The following TANGO6 variants were observed in gnomAD, a reference collection of about 807,000 sequenced individuals.
TANGO6 encodes transport and golgi organization 6 homolog.
In TANGO6, 90 loss-of-function variants were observed where a neutral mutation model predicts 114.2. That is an observed-to-expected ratio of 0.79 (90% CI 0.66 to 0.94). TANGO6 has a LOEUF of 0.94. Among genes scored for constraint, TANGO6 ranks in the 40% least tolerant of loss-of-function variants. The pLI, the probability that TANGO6 is intolerant of heterozygous loss-of-function variation, is 0.00. For synonymous variants in TANGO6, 477 were observed against 509.8 expected, an observed-to-expected ratio of 0.94 and a Z score of 0.87; for missense variants, 1,274 against 1,315.3, an observed-to-expected ratio of 0.97 and a Z score of 0.49.
intron 14 of TANGO6, among the ~76,000 whole-genome samples, chr16:68,971,581 TC>T: frequency 6.6e-6 from 1 of 151,326 alleles, no homozygotes; most frequent in African/African-American, 2.4e-5. Flanking sequence ...AGCCCCCTCT[TC>T]TTTCTCTTAG....
intron 14 of TANGO6, among the ~76,000 whole-genome samples, chr16:68,942,425 T>C (rs1347420490): frequency 6.6e-6 from 1 of 152,054 alleles, no homozygotes; most frequent in Non-Finnish European, 1.5e-5. Flanking sequence ...ATTATCATGG[T>C]AAAATGTAAA....
At chr16:68,906,403 A>G (rs1567536667) in intron 9 of TANGO6, among the ~76,000 whole-genome samples, 1 of 152,164 alleles carries the variant, frequency 6.6e-6, no homozygotes, top group Non-Finnish European at 1.5e-5. Flanking sequence ...GGCTCATCAG[A>G]AAAAAGTCAA....
At chr16:68,954,519 A>G (rs1486042959) in intron 14 of TANGO6, among the ~76,000 whole-genome samples, 1 of 152,198 alleles carries the variant, frequency 6.6e-6, no homozygotes, top group Admixed American at 6.5e-5. Context: ...TCAAAAGAAA[A>G]AAAAAGTTTT....
At chr16:68,846,499 TTTC>T in intron 1 of TANGO6, 3 of 354,622 alleles carry the variant, frequency 8.5e-6, no homozygotes, top group Non-Finnish European at 1.6e-5. Flanking sequence ...TATACGATTC[TTTC>T]TTTTTTTTTT....
At chr16:69,021,070 T>C (rs550948954) in intron 15 of TANGO6, among the ~76,000 whole-genome samples, 3 of 152,244 alleles carry the variant, frequency 2.0e-5, no homozygotes, top group Admixed American at 6.5e-5. Flanking sequence ...AACAATGTGT[T>C]CTCAGCACTG....
intron 15 of TANGO6, among the ~76,000 whole-genome samples, chr16:68,989,542 A>G (rs902057342): frequency 6.6e-6 from 1 of 152,110 alleles, no homozygotes; most frequent in African/African-American, 2.4e-5. Context: ...TTCATTAAGC[A>G]TAGTTATAAT....
intron 6 of TANGO6, 35 bp downstream of exon 6, chr16:68,878,315 T>C: frequency 1.3e-6 from 2 of 1,564,248 alleles, no homozygotes; most frequent in South Asian, 2.4e-5. Flanking sequence ...TGTGTGCCTC[T>C]AAAGGACCTT....
In TANGO6 at chr16:68,860,003, C is replaced by G. The variant is rs762999446; in HGVS notation, c.214C>G (p.Leu72Val). 2 of 1,613,996 alleles carry G rather than the reference C, an allele frequency of 1.2e-6. No individual in the cohort carries two copies. The highest frequency in any genetic ancestry group is 1.7e-6 in the Non-Finnish European group (2 of 1,179,876). The stretch of plus-strand genomic sequence containing the variant: ...GGATCCTCAGTGGAAGAATCTGAAA[C>G]TCCTAAGAGATGAAATTGCTGATAA... The part of the protein sequence containing the change: ...LKDPQWKNLK[L>V]LRDEIADKAE... The change falls in exon 2 of 18, where the codon CTC becomes GTC. Residue 72 changes from leucine to valine, a missense_variant. Around this residue, in one of 5 missense-constraint regions of TANGO6, gnomAD observed 114 missense variants for 104.6 expected, o/e 1.09. Transcript: ENST00000261778.
At chr16:68,984,513 T>C (rs887865949) in intron 15 of TANGO6, among the ~76,000 whole-genome samples, 1 of 146,990 alleles carries the variant, frequency 6.8e-6, no homozygotes, top group Non-Finnish European at 1.5e-5. Context: ...CCTACTTATA[T>C]TAGACAGTTT....
At chr16:68,958,028 C>T (rs530440893) in intron 14 of TANGO6, among the ~76,000 whole-genome samples, 33 of 151,740 alleles carry the variant, frequency 2.2e-4, no homozygotes, top group African/African-American at 5.6e-4. Context: ...AAAAATTAGC[C>T]GGGTGCAGTG....
chr16:69,013,963 G>T (rs1195236069), intron 15 of TANGO6, among the ~76,000 whole-genome samples: 1 of 152,076 alleles, frequency 6.6e-6, no homozygotes, highest in Admixed American at 6.5e-5. Context: ...TGGCCCCCAA[G>T]TTCCTTAGTT....
intron 7 of TANGO6, among the ~76,000 whole-genome samples, chr16:68,893,330 G>A (rs1344489684): frequency 6.6e-6 from 1 of 152,144 alleles, no homozygotes; most frequent in Non-Finnish European, 1.5e-5. Context: ...CACACAACTG[G>A]TCAGCGGAAA....
chr16:68,918,811 C>A (rs548151761), intron 11 of TANGO6, among the ~76,000 whole-genome samples: 11 of 152,296 alleles, frequency 7.2e-5, no homozygotes, highest in Non-Finnish European at 1.2e-4. Context: ...GTGGGGCTAG[C>A]CCAGAGAGGG....
At chr16:68,935,079 G>A (rs1199609700) in intron 14 of TANGO6, among the ~76,000 whole-genome samples, 1 of 152,192 alleles carries the variant, frequency 6.6e-6, no homozygotes, top group East Asian at 1.9e-4. Flanking sequence ...GGCTTCAGGT[G>A]AGTTTCCCAT....
intron 1 of TANGO6, among the ~76,000 whole-genome samples, chr16:68,844,316 C>G (rs997668268): frequency 6.6e-6 from 1 of 152,096 alleles, no homozygotes; most frequent in African/African-American, 2.4e-5. Flanking sequence ...ACCCAAGGCT[C>G]ACTGAAGAAA....
At chr16:69,022,592 T>G (rs1959426462) in intron 15 of TANGO6, among the ~76,000 whole-genome samples, 1 of 151,322 alleles carries the variant, frequency 6.6e-6, no homozygotes, top group South Asian at 2.1e-4. Context: ...TAGTCCCAAC[T>G]ACTTGGGAGA....
At chr16:69,055,775 G>A (rs901532234) in intron 17 of TANGO6, among the ~76,000 whole-genome samples, 5 of 152,226 alleles carry the variant, frequency 3.3e-5, no homozygotes, top group African/African-American at 4.8e-5. Context: ...GGCGTGTCAC[G>A]CCTGTAATCC....
At chr16:69,078,172 T>G (rs1406054294) in intron 17 of TANGO6, among the ~76,000 whole-genome samples, 2 of 152,122 alleles carry the variant, frequency 1.3e-5, no homozygotes, top group Non-Finnish European at 2.9e-5. Flanking sequence ...AGGAGCTTTG[T>G]TCAGGCAAGA....
chr16:69,011,787 G>C (rs988439337), intron 15 of TANGO6, among the ~76,000 whole-genome samples: 2 of 152,172 alleles, frequency 1.3e-5, no homozygotes, highest in Non-Finnish European at 1.5e-5. Context: ...AGTCATTTCA[G>C]ATCCTTTCTG....
Sources: gnomAD v4.1 joint callset for allele counts (sites outside exome capture counted in the v4.1 genomes callset) on GRCh38, gnomAD v4.1.1 for gene constraint, gnomAD v4.1.1 regional missense constraint, MANE v1.5 for transcripts, NCBI Gene and HGNC (gene_info 2026-07-23, HGNC 2026-07-21) for gene names.